The following ITGA9 variants were observed in gnomAD, a reference collection of about 807,000 sequenced individuals.
ITGA9 encodes the protein integrin subunit alpha 9.
In ITGA9, 56 loss-of-function variants were observed where a neutral mutation model predicts 127.8. The observed-to-expected ratio is 0.44, with a 90% confidence interval of 0.35 to 0.55. The LOEUF (loss-of-function observed/expected upper bound fraction) is 0.55. ITGA9 is among the 20% of genes least tolerant of loss of function. The pLI is 0.00. For synonymous variants in ITGA9, 508 were observed against 514.5 expected (o/e 0.99, Z 0.17); for missense variants, 1,196 against 1,347.1 (o/e 0.89, Z 1.76).
At position 37,806,013 on chromosome 3, in the gene ITGA9, T is replaced by G. The variant is rs1481866777; in HGVS notation, c.3009+2071T>G. ...TATTGCAGATTGCCCTGTAGAAAGG[T>G]CATACCAATTCACCCTCCCACAAGC... On this transcript the variant is annotated intron_variant, in intron 27 of 27. Coordinates refer to ENST00000264741, the MANE Select transcript of ITGA9 (RefSeq NM_002207.3). This position sits in a 1 kb window ranked among gnomAD's most constrained non-coding sequence, Gnocchi z 4.3. 1 of 152,156 alleles carries G rather than the reference T, an allele frequency of 6.6e-6. No individual in the cohort carries two copies. The highest frequency in any genetic ancestry group is 2.4e-5 in the African/African-American group (1 of 41,448). 9.4% of individuals were successfully genotyped at this position (152,156 alleles called of 1,614,324 possible). A position where few individuals can be genotyped will look rare whatever the true frequency, so the allele number is the denominator to read the frequency against.
intron 23 of ITGA9, among the ~76,000 whole-genome samples, chr3:37,762,467 G>C (rs1235357721): frequency 6.6e-6 from 1 of 152,320 alleles, no homozygotes; most frequent in Non-Finnish European, 1.5e-5. Context: ...GCTAGCAAAG[G>C]TGGCATTGTT....
intron 15 of ITGA9, among the ~76,000 whole-genome samples, chr3:37,579,404 A>T (rs1454868532): frequency 6.6e-6 from 1 of 152,158 alleles, no homozygotes; most frequent in East Asian, 1.9e-4. Context: ...CAGCCATCAC[A>T]TCCAAATTCC....
chr3:37,572,862 C>G (rs1485985898), intron 15 of ITGA9, among the ~76,000 whole-genome samples: 1 of 152,204 alleles, frequency 6.6e-6, no homozygotes, highest in Admixed American at 6.5e-5. Context: ...TCACCTCTCA[C>G]TCTCATTTTC....
chr3:37,494,912 G>C (rs1004966007), intron 5 of ITGA9, among the ~76,000 whole-genome samples: 1 of 152,192 alleles, frequency 6.6e-6, no homozygotes, highest in African/African-American at 2.4e-5. Context: ...CATCATTGGC[G>C]GCTGTGCAGA....
At chr3:37,732,923 G>A (rs1307222616) in intron 19 of ITGA9, 125 bp downstream of exon 19, 24 of 740,692 alleles carry the variant, frequency 3.2e-5, no homozygotes, top group Non-Finnish European at 5.0e-5. Context: ...CAGCTGGGGC[G>A]GCCACTGAAG....
At position 37,542,590 on chromosome 3, in the gene ITGA9, G is replaced by A. The variant is rs907519175; in HGVS notation, c.1689+5G>A. ...CACTATGTGGCCCATGTGAAGGTCA[G>A]TCCTCTCCTCCTTTTTATCCTCAAA... is the stretch of plus-strand genomic sequence containing the variant. On this transcript the variant is annotated splice_donor_5th_base_variant and intron_variant, in intron 15 of 27. Transcript: ENST00000264741. The A allele has an allele frequency of 6.2e-7, 1 of 1,613,950 alleles. No homozygotes were observed. The highest frequency in any genetic ancestry group is 8.5e-7 in the Non-Finnish European group (1 of 1,179,958).
intron 26 of ITGA9, among the ~76,000 whole-genome samples, chr3:37,801,830 A>G (rs1697238773): frequency 6.6e-6 from 1 of 152,126 alleles, no homozygotes; most frequent in Admixed American, 6.5e-5. Context: ...CGGATGAGAA[A>G]ACTGAGGCTC....
intron 17 of ITGA9, among the ~76,000 whole-genome samples, chr3:37,670,180 T>G (rs1175760572): frequency 6.6e-6 from 1 of 152,062 alleles, no homozygotes; most frequent in Non-Finnish European, 1.5e-5. Context: ...AATTCTCATC[T>G]AAACCGCCAG....
intron 18 of ITGA9, among the ~76,000 whole-genome samples, chr3:37,714,615 T>C (rs2125680317): frequency 6.6e-6 from 1 of 152,240 alleles, no homozygotes; most frequent in Non-Finnish European, 1.5e-5. Flanking sequence ...CACCAGTGTT[T>C]CTAGAATCTA....
chr3:37,519,206 G>T (rs1013131186), intron 10 of ITGA9, 54 bp from the exon 11 acceptor site: 92 of 1,321,350 alleles, frequency 7.0e-5, no homozygotes, highest in Non-Finnish European at 9.3e-5. Context: ...TAGGGAAGCT[G>T]CACTTGTATT....
At chr3:37,541,185 A>G (rs1176244340) in intron 14 of ITGA9, among the ~76,000 whole-genome samples, 5 of 152,204 alleles carry the variant, frequency 3.3e-5, no homozygotes, top group African/African-American at 7.2e-5. Context: ...GCTCGGGGCT[A>G]CTTGTTACTG....
chr3:37,737,021 A>T lies in ITGA9; in HGVS notation c.2234+38A>T, dbSNP rs572428487. The T allele has an allele frequency of 8.6e-6, 11 of 1,285,932 alleles. No homozygotes were observed. In the East Asian group the frequency reaches 2.3e-4, roughly 27 times the overall value. 79.7% of individuals were successfully genotyped at this position (1,285,932 alleles called of 1,614,324 possible). ...TTTAAACACTTTTTTCAAAGATGAGAGATTTATGGGACCAGGAAAGGATGT... is the reference window on the plus strand; with the variant it reads ...TTTAAACACTTTTTTCAAAGATGAGTGATTTATGGGACCAGGAAAGGATGT... On this transcript the variant is annotated intron_variant, in intron 20 of 27. Transcript: ENST00000264741.
chr3:37,652,984 TAGGCCC>T (rs996332365), intron 16 of ITGA9, among the ~76,000 whole-genome samples: 11 of 152,336 alleles, frequency 7.2e-5, no homozygotes, highest in African/African-American at 2.6e-4. Flanking sequence ...CCTCCACAGA[TAGGCCC>T]AGGCCCAGGC....
intron 27 of ITGA9, among the ~76,000 whole-genome samples, chr3:37,813,209 A>G (rs1483852923): frequency 6.6e-6 from 1 of 152,164 alleles, no homozygotes; most frequent in East Asian, 1.9e-4. Flanking sequence ...AAGCAAAGGA[A>G]CTACAGGTGC....
At chr3:37,508,257 T>C (rs1359826266) in intron 7 of ITGA9, among the ~76,000 whole-genome samples, 1 of 152,234 alleles carries the variant, frequency 6.6e-6, no homozygotes, top group African/African-American at 2.4e-5. Flanking sequence ...ATACTAGCTT[T>C]TTCTCAGAGT....
At chr3:37,780,114 A>G (rs892699144) in intron 25 of ITGA9, 93 bp downstream of exon 25, 8 of 1,483,110 alleles carry the variant, frequency 5.4e-6, no homozygotes, top group African/African-American at 1.4e-5. Flanking sequence ...AAAGGAAAGC[A>G]TTTGAATTGG....
chr3:37,596,391 A>T (rs1284220794), intron 15 of ITGA9, among the ~76,000 whole-genome samples: 2 of 152,124 alleles, frequency 1.3e-5, no homozygotes, highest in African/African-American at 2.4e-5. Flanking sequence ...GAGAAGGCTG[A>T]TGGGCTGGGG....
intron 15 of ITGA9, among the ~76,000 whole-genome samples, chr3:37,589,734 C>T (rs1246906215): frequency 2.6e-5 from 4 of 152,116 alleles, no homozygotes; most frequent in Non-Finnish European, 5.9e-5. Flanking sequence ...GTTCCAGGGA[C>T]AGTCAGGAGG....
In ITGA9 at chr3:37,494,501, A is replaced by C. The variant is rs749979348; in HGVS notation, c.545A>C (p.Glu182Ala). 1.1e-5 allele frequency: 17 copies of C among 1,609,828 alleles called. No individual in the cohort carries two copies. Among genetic ancestry groups the C allele is most frequent in the Non-Finnish European group, 1.4e-5 (17 of 1,176,312 alleles). The change falls in exon 5 of 28, where the codon GAG becomes GCG. Residue 182 changes from glutamate (E) to alanine (A), a missense_variant and splice_region_variant. Glu to Ala is a moderately radical substitution (Grantham distance 107, BLOSUM62 -1). Coordinates refer to ENST00000264741, the MANE Select transcript of ITGA9 (RefSeq NM_002207.3). The part of the protein sequence containing the change: ...KGRTLIPCYE[E>A]YKKKYGEEHG... ...CTTCTCTCTCCTTCCTTCCCCCTAG[A>C]GTATAAGAAGAAGTACGGAGAGGAA...
Sources: allele counts gnomAD v4.1 joint callset (sites outside exome capture counted in the v4.1 genomes callset), GRCh38; gene constraint gnomAD v4.1.1; non-coding constraint Gnocchi (gnomAD v3.1); transcripts MANE v1.5; gene names NCBI Gene and HGNC (gene_info 2026-07-23, HGNC 2026-07-21).